Variants in TECRL observed in about 807,000 individuals in gnomAD.
The protein encoded by TECRL is trans-2,3-enoyl-CoA reductase-like.
A neutral mutation model predicts 52.8 loss-of-function variants in TECRL; 63 were observed. The ratio of observed to expected loss-of-function variants is 1.19; its 90% confidence interval spans 0.97 to 1.47. TECRL has a LOEUF of 1.47. TECRL is among the 40% of genes most tolerant of loss of function. The pLI, the probability that TECRL is intolerant of heterozygous loss-of-function variation, is 0.00. For missense variants in TECRL, 482 were observed against 429.6 expected (o/e 1.12, Z -1.08); for synonymous variants, 164 against 141.9 (o/e 1.16, Z -1.10).
intron 2 of TECRL, among the ~76,000 whole-genome samples, chr4:64,353,325 G>T (rs921912212): frequency 6.6e-6 from 1 of 152,156 alleles, no homozygotes; most frequent in Non-Finnish European, 1.5e-5. Flanking sequence ...TGATGCTAGA[G>T]GTACTAAAGA....
At chr4:64,403,562 A>G (rs1560564426) in intron 1 of TECRL, among the ~76,000 whole-genome samples, 1 of 151,824 alleles carries the variant, frequency 6.6e-6, no homozygotes, top group Non-Finnish European at 1.5e-5. Flanking sequence ...CTTCTTATAA[A>G]CTATCTAGGA....
At chr4:64,383,245 T>C (rs1722943397) in intron 1 of TECRL, among the ~76,000 whole-genome samples, 2 of 152,158 alleles carry the variant, frequency 1.3e-5, no homozygotes, top group South Asian at 4.1e-4. Context: ...ATGTCTTAAA[T>C]AATATCTTTT....
chr4:64,301,746 G>C (rs941973818), intron 7 of TECRL, among the ~76,000 whole-genome samples: 1 of 150,870 alleles, frequency 6.6e-6, no homozygotes, highest in Admixed American at 6.6e-5. Context: ...GAGAAGAGAG[G>C]GTTCAAAGCA....
At chr4:64,404,031 T>A (rs1724546178) in intron 1 of TECRL, among the ~76,000 whole-genome samples, 1 of 152,038 alleles carries the variant, frequency 6.6e-6, no homozygotes, top group Non-Finnish European at 1.5e-5. Flanking sequence ...AATGGCAATG[T>A]CAAAAATTAA....
At chr4:64,325,751 C>T (rs1187117679) in intron 3 of TECRL, among the ~76,000 whole-genome samples, 1 of 152,058 alleles carries the variant, frequency 6.6e-6, no homozygotes, top group East Asian at 1.9e-4. Flanking sequence ...TCTATTAGCA[C>T]CCTTAGAAAA....
intron 1 of TECRL, among the ~76,000 whole-genome samples, chr4:64,402,774 G>T (rs747957207): frequency 6.6e-6 from 1 of 152,078 alleles, no homozygotes; most frequent in South Asian, 2.1e-4. Flanking sequence ...GATGTATAAA[G>T]TTGAAAAATG....
At chr4:64,374,079 A>ATATATATATATATATATATATATTTATT (rs1343885987) in intron 2 of TECRL, among the ~76,000 whole-genome samples, 1 of 96,796 alleles carries the variant, frequency 1.0e-5, no homozygotes, top group South Asian at 3.7e-4. Context: ...ATATATATAT[A>ATATATATATATATATATATATATTTATT]TATTTATCTT....
chr4:64,328,685 A>C (rs1328618592), intron 2 of TECRL, 129 bp from the exon 3 acceptor site: 1 of 718,146 alleles, frequency 1.4e-6, no homozygotes, highest in Non-Finnish European at 2.4e-6. Flanking sequence ...TGTCAGAAAT[A>C]GAAATAGTGG....
At chr4:64,403,752 C>T (rs754499573) in intron 1 of TECRL, among the ~76,000 whole-genome samples, 19 of 145,630 alleles carry the variant, frequency 1.3e-4, no homozygotes, top group Admixed American at 7.1e-4. Flanking sequence ...TCATGAAACA[C>T]CATAAGAAAT....
At chr4:64,338,089 G>A (rs146261674) in intron 2 of TECRL, among the ~76,000 whole-genome samples, 1,560 of 152,198 alleles carry the variant, frequency 0.01, 53 homozygotes, top group East Asian at 0.071. Context: ...GAGAGATATA[G>A]ACCAATGGAA....
At chr4:64,291,567 A>G (rs1003011081) in intron 8 of TECRL, among the ~76,000 whole-genome samples, 1 of 151,950 alleles carries the variant, frequency 6.6e-6, no homozygotes, top group Admixed American at 6.6e-5. Context: ...TTCTGATGAA[A>G]CGTATTTGTT....
chr4:64,393,808 T>G, intron 1 of TECRL, among the ~76,000 whole-genome samples: 1 of 151,792 alleles, frequency 6.6e-6, no homozygotes, highest in East Asian at 1.9e-4. Flanking sequence ...AAGGTCAGAG[T>G]CCCAGTTACG....
At chr4:64,381,415 G>A (rs1722784649) in intron 1 of TECRL, among the ~76,000 whole-genome samples, 1 of 150,324 alleles carries the variant, frequency 6.7e-6, no homozygotes, top group African/African-American at 2.4e-5. Flanking sequence ...CTCTGAATAG[G>A]ATTTCCTGTA....
intron 2 of TECRL, among the ~76,000 whole-genome samples, chr4:64,354,707 C>A (rs941569396): frequency 1.3e-5 from 2 of 152,060 alleles, no homozygotes; most frequent in African/African-American, 2.4e-5. Context: ...TATTGACCAA[C>A]TAGTAATAGA....
At chr4:64,281,807 G>T (rs1722842823) in intron 9 of TECRL, among the ~76,000 whole-genome samples, 1 of 151,778 alleles carries the variant, frequency 6.6e-6, no homozygotes, top group Admixed American at 6.6e-5. Context: ...ACACTGCAGA[G>T]TACATAAGGA....
At chr4:64,353,034 A>G (rs1720507834) in intron 2 of TECRL, among the ~76,000 whole-genome samples, 1 of 152,176 alleles carries the variant, frequency 6.6e-6, no homozygotes, top group African/African-American at 2.4e-5. Flanking sequence ...CTTTGTTTCT[A>G]AATCACAAAT....
chr4:64,327,140 C>A (rs1718320800), intron 3 of TECRL, among the ~76,000 whole-genome samples: 1 of 152,030 alleles, frequency 6.6e-6, no homozygotes, highest in South Asian at 2.1e-4. Flanking sequence ...AAATCTGAAT[C>A]AATCCAAATG....
intron 4 of TECRL, among the ~76,000 whole-genome samples, chr4:64,321,191 A>G (rs1717873902): frequency 6.6e-6 from 1 of 152,032 alleles, no homozygotes; most frequent in African/African-American, 2.4e-5. Context: ...AATATATCTT[A>G]AAAAGAAAGA....
At chr4:64,312,085 G>C (rs1717049917) in intron 5 of TECRL, among the ~76,000 whole-genome samples, 1 of 152,170 alleles carries the variant, frequency 6.6e-6, no homozygotes, top group African/African-American at 2.4e-5. Context: ...GTTTCTAAGT[G>C]ATCTGAAGAA....
Sources: allele counts gnomAD v4.1 joint callset (sites outside exome capture counted in the v4.1 genomes callset), GRCh38; gene constraint gnomAD v4.1.1; transcripts MANE v1.5; gene names NCBI Gene and HGNC (gene_info 2026-07-23, HGNC 2026-07-21).